ABCB10: variants seen among roughly 807,000 people sequenced by gnomAD.
ABCB10 encodes ATP-binding cassette sub-family B member 10, mitochondrial.
A neutral mutation model predicts 65.4 loss-of-function variants in ABCB10; 54 were observed. The ratio of observed to expected loss-of-function variants is 0.83; its 90% confidence interval spans 0.66 to 1.04. The LOEUF (loss-of-function observed/expected upper bound fraction) is 1.04. ABCB10 is among the 50% of genes least tolerant of loss of function. The pLI, the probability that ABCB10 is intolerant of heterozygous loss-of-function variation, is 0.00. For synonymous variants in ABCB10, 418 were observed against 406.5 expected, an observed-to-expected ratio of 1.03 and a Z score of -0.34; for missense variants, 846 against 976.6, an observed-to-expected ratio of 0.87 and a Z score of 1.78.
chr1:229,518,236 T>G lies in ABCB10; in HGVS notation c.2160A>C (p.Ser720=). 1 of 1,614,218 alleles carries G rather than the reference T, an allele frequency of 6.2e-7. No individual in the cohort carries two copies. The highest frequency in any genetic ancestry group is 8.5e-7 in the Non-Finnish European group (1 of 1,180,032). The stretch of plus-strand genomic sequence containing the variant: ...GTTTTCTGTATATCCCATTTGGTTT[T>G]GAAAGCAGCTCTTCATGTTTTCCAT... ...TEYGKHEELL[S]KPNGIYRKLM... Residue 720 remains serine (S), a synonymous_variant, in exon 13 of 13, where the codon TCA becomes TCC. Coordinates refer to ENST00000344517, the MANE Select transcript of ABCB10 (RefSeq NM_012089.3).
At position 229,558,303 on chromosome 1, in the gene ABCB10, CG is replaced by C; in HGVS notation, c.349del (p.Arg117GlyfsTer95). 1 of 1,232,456 alleles carries C rather than the reference CG, an allele frequency of 8.1e-7. No homozygotes were observed. Among genetic ancestry groups the C allele is most frequent in the East Asian group, 3.7e-5 (1 of 26,998 alleles). 76.3% of individuals were successfully genotyped at this position (1,232,456 alleles called of 1,614,324 possible). On this transcript the variant is annotated frameshift_variant, in exon 1 of 13. Coordinates refer to ENST00000344517, the MANE Select transcript of ABCB10 (RefSeq NM_012089.3). LOFTEE classifies it high-confidence loss of function. ...GPGAPRLPRA[R>X]FPGGPAAAAW... ...AGCGGCTGCGGGACCGCCCGGGAACCGGGCGCGCGGGAGCCGAGGAGCGCCT... is the reference window on the plus strand; with the variant it reads ...AGCGGCTGCGGGACCGCCCGGGAACCGGCGCGCGGGAGCCGAGGAGCGCCT...
At chr1:229,524,754 C>T (rs941442067) in intron 10 of ABCB10, among the ~76,000 whole-genome samples, 40 of 152,246 alleles carry the variant, frequency 2.6e-4, no homozygotes, top group African/African-American at 9.1e-4. Flanking sequence ...CTATGCACGG[C>T]CCTCAAGCTA....
At chr1:229,536,038 A>G (rs1662712869) in intron 6 of ABCB10, among the ~76,000 whole-genome samples, 1 of 151,970 alleles carries the variant, frequency 6.6e-6, no homozygotes, top group Non-Finnish European at 1.5e-5. Context: ...AGGTTCATTA[A>G]TTGCATCAAA....
At chr1:229,542,075 A>AT (rs1369735142) in intron 4 of ABCB10, among the ~76,000 whole-genome samples, 162 bp downstream of exon 4, 6 of 152,190 alleles carry the variant, frequency 3.9e-5, no homozygotes, top group African/African-American at 1.4e-4. Flanking sequence ...AGTCTAGAAA[A>AT]CAGAGTAGTT....
At chr1:229,533,540 C>T (rs12066463) in intron 6 of ABCB10, among the ~76,000 whole-genome samples, 31,949 of 152,200 alleles carry the variant, frequency 0.21, 3,515 homozygotes, top group Middle Eastern at 0.28. Flanking sequence ...AAATATTCTA[C>T]AGTATGAATA....
In ABCB10 at chr1:229,526,112, G is replaced by T; in HGVS notation, c.1730C>A (p.Pro577His). 2 of 1,606,328 alleles carry T rather than the reference G, an allele frequency of 1.2e-6. No homozygotes were observed. The highest frequency in any genetic ancestry group is 1.7e-6 in the Non-Finnish European group (2 of 1,176,980). The change falls in exon 10 of 13, where the codon CCC becomes CAC. Residue 577 changes from proline to histidine, a missense_variant. This residue lies in a region of ABCB10 where 632 missense variants were observed against 803.2 expected (regional missense o/e 0.79). Coordinates refer to ENST00000344517, the MANE Select transcript of ABCB10 (RefSeq NM_012089.3). Reference sequence around the variant, plus strand: ...AGCAATAGAGCAAGAAAACAAAATGGGTTCCTACAAATTGGAAATAAAACA... The same window carrying T: ...AGCAATAGAGCAAGAAAACAAAATGTGTTCCTACAAATTGGAAATAAAACA... ...RSKIGTVSQE[P>H]ILFSCSIAEN...
At chr1:229,538,527 C>T (rs1157181244) in intron 6 of ABCB10, among the ~76,000 whole-genome samples, 1 of 152,120 alleles carries the variant, frequency 6.6e-6, no homozygotes, top group East Asian at 1.9e-4. Flanking sequence ...GTCTGTGGGT[C>T]CTCCTGAACC....
intron 6 of ABCB10, among the ~76,000 whole-genome samples, chr1:229,532,921 T>G (rs971599892): frequency 5.3e-5 from 8 of 152,150 alleles, no homozygotes; most frequent in Non-Finnish European, 1.0e-4. Context: ...ACTTTCACAG[T>G]AGTAAAAACT....
In ABCB10 at chr1:229,530,224, C is replaced by G; in HGVS notation, c.1620G>C (p.Leu540=). ...CAGAAGCAGGGTCGTACAACCTCAGCAGGAGTGAAAGCACTGTTGATTTGC... is the reference window on the plus strand; with the variant it reads ...CAGAAGCAGGGTCGTACAACCTCAGGAGGAGTGAAAGCACTGTTGATTTGC... ...GSGKSTVLSL[L]LRLYDPASGT... The change falls in exon 8 of 13, where the codon CTG becomes CTC. Residue 540 remains leucine, a synonymous_variant. Transcript: ENST00000344517. 1 of 1,614,006 alleles carries G rather than the reference C, an allele frequency of 6.2e-7. No individual in the cohort carries two copies. Among genetic ancestry groups the G allele is most frequent in the Non-Finnish European group, 8.5e-7 (1 of 1,179,962 alleles).
intron 4 of ABCB10, 30 bp downstream of exon 4, chr1:229,542,207 G>A (rs1347131140): frequency 6.2e-7 from 1 of 1,609,994 alleles, no homozygotes; most frequent in South Asian, 1.1e-5. Context: ...CATTCTGCTG[G>A]AAACCACGCG....
chr1:229,521,621 G>A lies in ABCB10; in HGVS notation c.1921C>T (p.Arg641Trp), dbSNP rs1387867120. ...GVLLSGGQKQ[R>W]IAIARALLKN... ...AGCAGAGCACGGGCAATCGCAATCC[G>A]CTGTTTCTGCCCACCTGACAAAGAC... is the stretch of plus-strand genomic sequence containing the variant. The change falls in exon 11 of 13, where the codon CGG becomes TGG. Residue 641 changes from arginine (R) to tryptophan (W), a missense_variant. Physicochemically the swap from Arg to Trp is moderately radical, Grantham distance 101. Coordinates refer to ENST00000344517, the MANE Select transcript of ABCB10 (RefSeq NM_012089.3). 8 of 1,612,454 alleles carry A rather than the reference G, an allele frequency of 5.0e-6. No individual in the cohort carries two copies. The highest frequency in any genetic ancestry group is 5.9e-6 in the Non-Finnish European group (7 of 1,179,198).
chr1:229,534,817 A>G (rs1336377045), intron 6 of ABCB10, among the ~76,000 whole-genome samples: 1 of 142,460 alleles, frequency 7.0e-6, no homozygotes, highest in Non-Finnish European at 1.5e-5. Flanking sequence ...GGTTGCAGTG[A>G]GCCAAGACCG....
At chr1:229,525,284 A>G (rs952001608) in intron 10 of ABCB10, among the ~76,000 whole-genome samples, 1 of 152,192 alleles carries the variant, frequency 6.6e-6, no homozygotes, top group Non-Finnish European at 1.5e-5. Flanking sequence ...CTCCCTGGGC[A>G]AATCATCCTG....
intron 6 of ABCB10, among the ~76,000 whole-genome samples, chr1:229,532,070 A>G (rs1662601207): frequency 6.8e-6 from 1 of 147,898 alleles, no homozygotes; most frequent in African/African-American, 2.5e-5. Flanking sequence ...CTCCTGCCTT[A>G]GCCTCCCGAG....
In ABCB10 at chr1:229,518,095, T is replaced by C. The variant is rs1662216590; in HGVS notation, c.*84A>G. 3.1e-6 allele frequency: 3 copies of C among 973,668 alleles called. No individual in the cohort carries two copies. Among genetic ancestry groups the C allele is most frequent in the Non-Finnish European group, 4.7e-6 (3 of 635,084 alleles). The allele number at this position is 973,668 out of a possible 1,614,324, so 60.3% of individuals were successfully genotyped here. A position where few individuals can be genotyped will look rare whatever the true frequency, so the allele number is the denominator to read the frequency against. The stretch of plus-strand genomic sequence containing the variant: ...TTTTTCAAATAACTTGATATATGGT[T>C]TATGTATTTCATAGTCTCTGAGTTT... On this transcript the variant is annotated 3_prime_UTR_variant, in exon 13 of 13. Transcript: ENST00000344517.
chr1:229,535,628 T>C (rs1254976229), intron 6 of ABCB10, among the ~76,000 whole-genome samples: 5 of 152,304 alleles, frequency 3.3e-5, no homozygotes, highest in Non-Finnish European at 5.9e-5. Context: ...GTTGGATACA[T>C]GTCATTTTGC....
chr1:229,532,675 G>C (rs1220603074), intron 6 of ABCB10, among the ~76,000 whole-genome samples: 2 of 151,992 alleles, frequency 1.3e-5, no homozygotes, highest in African/African-American at 4.8e-5. Context: ...GAGCCCAGGA[G>C]TTCAACATCA....
rs1662824176 is a variant in ABCB10 at position 229,540,747 on chromosome 1, A to G, written c.1062T>C (p.Ala354=). ...TTCTTACATTTCCAATACGTTCCTC[A>G]GCTAGCTGGGAGAATAATAAATACA... is the stretch of plus-strand genomic sequence containing the variant. ...QDSLAQATQL[A]EERIGNVRTV... The change falls in exon 5 of 13, where the codon GCT becomes GCC. Residue 354 remains alanine (A), a synonymous_variant. Coordinates refer to ENST00000344517, the MANE Select transcript of ABCB10 (RefSeq NM_012089.3). 3.7e-6 allele frequency: 6 copies of G among 1,612,272 alleles called. No homozygotes were observed. Among genetic ancestry groups the G allele is most frequent in the Non-Finnish European group, 5.1e-6 (6 of 1,179,532 alleles).
intron 1 of ABCB10, among the ~76,000 whole-genome samples, chr1:229,556,915 C>G (rs1663262791): frequency 6.6e-6 from 1 of 152,176 alleles, no homozygotes; most frequent in Admixed American, 6.5e-5. Flanking sequence ...GCACAGTCCC[C>G]GTCTCAAGCA....
Sources: gnomAD v4.1 joint callset for allele counts (sites outside exome capture counted in the v4.1 genomes callset) on GRCh38, gnomAD v4.1.1 for gene constraint, gnomAD v4.1.1 regional missense constraint, MANE v1.5 for transcripts, NCBI Gene and HGNC (gene_info 2026-07-23, HGNC 2026-07-21) for gene names.